Variants in KCNIP4 observed in about 807,000 individuals in gnomAD.
KCNIP4 encodes potassium voltage-gated channel interacting protein 4.
KCNIP4 carries 12 observed loss-of-function variants against 34.0 expected under a neutral mutation model. The observed-to-expected ratio is 0.35, with a 90% confidence interval of 0.23 to 0.57. The LOEUF (loss-of-function observed/expected upper bound fraction) is 0.57, where lower values mean the gene tolerates loss of function less well. Ranked by LOEUF, KCNIP4 falls within the 20% of genes least tolerant of loss-of-function variation. KCNIP4 has a pLI of 0.83. For missense variants in KCNIP4, 238 were observed against 311.7 expected (o/e 0.76, Z 1.78); for synonymous variants, 124 against 102.2 (o/e 1.21, Z -1.29).
At chr4:21,530,543 G>A (rs1736585540) in intron 1 of KCNIP4, among the ~76,000 whole-genome samples, 1 of 151,984 alleles carries the variant, frequency 6.6e-6, no homozygotes, top group Non-Finnish European at 1.5e-5. Flanking sequence ...GGTAAAAATT[G>A]GGCAAATAAT....
Position 21,751,538 on chromosome 4 carries a change from C to T in KCNIP4, c.61+197033G>A, listed in dbSNP as rs114023012. 8.9e-4 allele frequency among the ~76,000 whole-genome samples: 136 copies of T among 152,196 alleles called. 1 individual carries two copies. The Middle Eastern group carries it at 0.014, about 15-fold the overall frequency. On this transcript the variant is annotated intron_variant, in intron 1 of 8. Transcript: ENST00000382152. ...TGGAACAAGATTTGAAAATTGCTGA[C>T]AATTGTTGAAGCTAGGTAAAGGGTG...
intron 1 of KCNIP4, among the ~76,000 whole-genome samples, chr4:21,663,378 A>C (rs1000061979): frequency 6.6e-6 from 1 of 152,144 alleles, no homozygotes; most frequent in Non-Finnish European, 1.5e-5. Flanking sequence ...GCCTGTCCAC[A>C]AGGGTAGCTT....
intron 1 of KCNIP4, among the ~76,000 whole-genome samples, chr4:21,352,491 G>A (rs1345903127): frequency 6.6e-6 from 1 of 152,216 alleles, no homozygotes; most frequent in African/African-American, 2.4e-5. Flanking sequence ...GCCTGGCTCA[G>A]TGGGTCCCAT....
intron 1 of KCNIP4, among the ~76,000 whole-genome samples, chr4:21,279,859 T>C (rs897010789): frequency 2.0e-5 from 3 of 152,132 alleles, no homozygotes; most frequent in African/African-American, 7.2e-5. Context: ...CCTGTTCAGC[T>C]TAAAATTTTT....
chr4:21,528,716 A>C (rs1404912793), intron 1 of KCNIP4, among the ~76,000 whole-genome samples: 1 of 1,966 alleles, frequency 5.1e-4, no homozygotes, highest in African/African-American at 2.0e-3. Flanking sequence ...AGAAAGAAAG[A>C]AAGAAAGAAA....
intron 1 of KCNIP4, among the ~76,000 whole-genome samples, chr4:21,824,698 C>T (rs1722568967): frequency 6.6e-6 from 1 of 152,140 alleles, no homozygotes; most frequent in South Asian, 2.1e-4. Context: ...TCCTGTTCAG[C>T]CAGCTCTGTG....
chr4:21,769,312 T>C (rs1231971135), intron 1 of KCNIP4, among the ~76,000 whole-genome samples: 1 of 152,170 alleles, frequency 6.6e-6, no homozygotes, highest in Non-Finnish European at 1.5e-5. Flanking sequence ...ATGCCTTATG[T>C]CCCTCTGCCA....
At chr4:21,421,337 A>G (rs778306863) in intron 1 of KCNIP4, among the ~76,000 whole-genome samples, 13 of 152,226 alleles carry the variant, frequency 8.5e-5, no homozygotes, top group Non-Finnish European at 1.9e-4. Flanking sequence ...TCATGGTAGC[A>G]TTAGTCACAA....
At chr4:21,365,500 A>C (rs894652196) in intron 1 of KCNIP4, among the ~76,000 whole-genome samples, 1 of 106,466 alleles carries the variant, frequency 9.4e-6, no homozygotes, top group Non-Finnish European at 2.0e-5. Flanking sequence ...TAAATAAATA[A>C]ATAAATAAAT....
intron 1 of KCNIP4, among the ~76,000 whole-genome samples, chr4:21,716,756 T>C (rs1055844153): frequency 6.6e-6 from 1 of 152,132 alleles, no homozygotes; most frequent in African/African-American, 2.4e-5. Context: ...TGGTGACTCA[T>C]CCCATGCTAA....
At chr4:21,370,864 CACACACACACACACACACGTGT>C (rs1720352577) in intron 1 of KCNIP4, among the ~76,000 whole-genome samples, 1 of 61,106 alleles carries the variant, frequency 1.6e-5, no homozygotes, top group African/African-American at 7.9e-5. Context: ...CACACACACA[CACACACACACACACACACGTGT>C]GTGTGTGTGT....
intron 1 of KCNIP4, among the ~76,000 whole-genome samples, chr4:21,381,915 CAT>C (rs1342869560): frequency 3.9e-5 from 6 of 152,054 alleles, no homozygotes. Context: ...AGCATGGAGT[CAT>C]ATATTAGTCA....
intron 1 of KCNIP4, among the ~76,000 whole-genome samples, chr4:21,791,767 C>T (rs1179897736): frequency 2.0e-5 from 3 of 151,940 alleles, no homozygotes; most frequent in Non-Finnish European, 2.9e-5. Flanking sequence ...TTTGGGAGGC[C>T]GAGGTGGGCG....
chr4:21,097,583 G>T (rs113898878), intron 1 of KCNIP4, among the ~76,000 whole-genome samples: 4 of 151,838 alleles, frequency 2.6e-5, no homozygotes, highest in African/African-American at 4.8e-5. Context: ...GGTGATCTGC[G>T]ATCAGTGATC....
At chr4:21,663,761 C>G (rs1748626074) in intron 1 of KCNIP4, among the ~76,000 whole-genome samples, 1 of 152,148 alleles carries the variant, frequency 6.6e-6, no homozygotes, top group South Asian at 2.1e-4. Flanking sequence ...AGGAGTTTGA[C>G]ATCTACAAAA....
intron 1 of KCNIP4, among the ~76,000 whole-genome samples, chr4:21,369,324 A>C (rs1375601085): frequency 6.8e-6 from 1 of 147,454 alleles, no homozygotes; most frequent in Non-Finnish European, 1.5e-5. Context: ...GATTAATAAG[A>C]TATATTTCTT....
At chr4:21,572,762 G>A (rs1157186406) in intron 1 of KCNIP4, among the ~76,000 whole-genome samples, 1 of 151,918 alleles carries the variant, frequency 6.6e-6, no homozygotes, top group Non-Finnish European at 1.5e-5. Flanking sequence ...AAGTATCTGG[G>A]ATTACAGGCA....
At chr4:20,957,413 A>C (rs1733424151) in intron 1 of KCNIP4, among the ~76,000 whole-genome samples, 1 of 152,200 alleles carries the variant, frequency 6.6e-6, no homozygotes, top group African/African-American at 2.4e-5. Context: ...ATAGTTCTGG[A>C]AACTAAGGTT....
intron 1 of KCNIP4, among the ~76,000 whole-genome samples, chr4:21,130,293 A>C (rs1013062038): frequency 2.0e-5 from 3 of 152,152 alleles, no homozygotes; most frequent in African/African-American, 7.2e-5. Context: ...GATTTCCTAA[A>C]TGATTCTAAT....
Sources: gnomAD v4.1 joint callset for allele counts (sites outside exome capture counted in the v4.1 genomes callset) on GRCh38, gnomAD v4.1.1 for gene constraint, MANE v1.5 for transcripts, NCBI Gene and HGNC (gene_info 2026-07-23, HGNC 2026-07-21) for gene names.